The following LNP1 variants were observed in gnomAD, a reference collection of about 807,000 sequenced individuals.
LNP1 encodes the protein leukemia NUP98 fusion partner 1.
In LNP1, 12 loss-of-function variants were observed where a neutral mutation model predicts 14.5. That is an observed-to-expected ratio of 0.83 (90% CI 0.53 to 1.34). The LOEUF (loss-of-function observed/expected upper bound fraction) is 1.34. Among genes scored for constraint, LNP1 ranks in the 40% most tolerant of loss-of-function variants. The probability of loss-of-function intolerance (pLI) is 0.00; values close to 1 mark genes in which losing one functional copy is unlikely to be tolerated. For missense variants in LNP1, 198 were observed against 210.9 expected, an observed-to-expected ratio of 0.94 and a Z score of 0.38; for synonymous variants, 75 against 71.4, an observed-to-expected ratio of 1.05 and a Z score of -0.26.
intron 1 of LNP1, among the ~76,000 whole-genome samples, chr3:100,405,035 G>T (rs952226610): frequency 1.3e-5 from 2 of 151,934 alleles, no homozygotes; most frequent in Non-Finnish European, 2.9e-5. Context: ...CTCGTGATCC[G>T]CCCGCCTCGG....
chr3:100,447,726 G>A (rs958784762), intron 2 of LNP1, among the ~76,000 whole-genome samples: 3 of 151,988 alleles, frequency 2.0e-5, no homozygotes, highest in Non-Finnish European at 2.9e-5. Flanking sequence ...TTTACTCTAG[G>A]ACTAAATTTA....
chr3:100,454,777 C>G (rs183566794), intron 3 of LNP1, among the ~76,000 whole-genome samples: 7 of 152,254 alleles, frequency 4.6e-5, no homozygotes, highest in Non-Finnish European at 8.8e-5. Flanking sequence ...CATTGTAGAG[C>G]GGCTGACACC....
intron 2 of LNP1, among the ~76,000 whole-genome samples, chr3:100,438,583 A>T (rs144795476): frequency 1.2e-4 from 18 of 152,350 alleles, no homozygotes; most frequent in Middle Eastern, 3.4e-3. Flanking sequence ...TGGCATACAG[A>T]ATAGTTTCAC....
intron 1 of LNP1, among the ~76,000 whole-genome samples, chr3:100,427,201 T>A (rs1707201348): frequency 6.6e-6 from 1 of 151,934 alleles, no homozygotes; most frequent in Admixed American, 6.5e-5. Flanking sequence ...TTTCTCTTCC[T>A]TCCCACTTGG....
At chr3:100,453,941 C>T (rs1317288167) in intron 3 of LNP1, among the ~76,000 whole-genome samples, 1 of 152,108 alleles carries the variant, frequency 6.6e-6, no homozygotes, top group Non-Finnish European at 1.5e-5. Flanking sequence ...TGTGTTGCTA[C>T]CGAGGTTCAT....
intron 2 of LNP1, among the ~76,000 whole-genome samples, chr3:100,442,841 G>C (rs1186719520): frequency 2.0e-5 from 3 of 152,134 alleles, no homozygotes; most frequent in Admixed American, 2.0e-4. Flanking sequence ...GGTTTCATCT[G>C]ATCTCTCACA....
intron 3 of LNP1, 65 bp downstream of exon 3, chr3:100,452,014 C>A: frequency 9.6e-7 from 1 of 1,036,814 alleles, no homozygotes. Context: ...GTTTTGTCCT[C>A]TTTATGATTG....
chr3:100,409,588 A>ATATATAT (rs1707007984), intron 1 of LNP1, among the ~76,000 whole-genome samples: 1 of 111,366 alleles, frequency 9.0e-6, no homozygotes. Flanking sequence ...ACACACACAC[A>ATATATAT]CACATATATA....
chr3:100,407,456 G>C (rs528242495), intron 1 of LNP1, among the ~76,000 whole-genome samples: 1 of 152,202 alleles, frequency 6.6e-6, no homozygotes, highest in African/African-American at 2.4e-5. Flanking sequence ...GAAATCTGCT[G>C]CTAGGCATAT....
intron 1 of LNP1, among the ~76,000 whole-genome samples, chr3:100,419,545 A>G (rs1707124365): frequency 6.6e-6 from 1 of 152,066 alleles, no homozygotes; most frequent in Non-Finnish European, 1.5e-5. Context: ...TATCACATCC[A>G]TAGCTTTGTG....
chr3:100,432,684 C>T lies in LNP1; in HGVS notation c.156+2799C>T, dbSNP rs1707253785. ...GTCTCTCATTATTAAACTGACTTGCCTTCTCTCTCCAACATCATATGAATA... is the reference window on the plus strand; with the variant it reads ...GTCTCTCATTATTAAACTGACTTGCTTTCTCTCTCCAACATCATATGAATA... On this transcript the variant is annotated intron_variant, in intron 2 of 3. Transcript: ENST00000383693. Among the ~76,000 whole-genome samples the T allele has an allele frequency of 4.6e-5, 7 of 152,290 alleles. No individual in the cohort carries two copies. The South Asian group carries it at 1.5e-3, about 32-fold the overall frequency.
chr3:100,420,207 G>A lies in LNP1; in HGVS notation c.-33-9490G>A, dbSNP rs149382176. On this transcript the variant is annotated intron_variant, in intron 1 of 3. Coordinates refer to ENST00000383693, the MANE Select transcript of LNP1 (RefSeq NM_001085451.2). ...AGATGAGATTGGGTACATTCAGGGC[G>A]TTATGGCCATAGACACCATTTGTAT... 4.3e-3 allele frequency among the ~76,000 whole-genome samples: 658 copies of A among 152,276 alleles called. 3 individuals carry two copies. Among genetic ancestry groups the A allele is most frequent in the South Asian group, 0.014 (69 of 4,822 alleles).
At chr3:100,433,778 T>A (rs555232421) in intron 2 of LNP1, among the ~76,000 whole-genome samples, 2 of 152,248 alleles carry the variant, frequency 1.3e-5, no homozygotes, top group African/African-American at 4.8e-5. Flanking sequence ...TGAGATGGTA[T>A]CTCATTGTGG....
intron 2 of LNP1, among the ~76,000 whole-genome samples, chr3:100,448,090 G>C (rs1707405177): frequency 1.7e-5 from 2 of 116,232 alleles, no homozygotes; most frequent in African/African-American, 6.8e-5. Flanking sequence ...TATTTTAATT[G>C]TTTACCTAAT....
At chr3:100,441,418 T>A (rs1707342937) in intron 2 of LNP1, among the ~76,000 whole-genome samples, 2 of 152,224 alleles carry the variant, frequency 1.3e-5, no homozygotes, top group South Asian at 4.1e-4. Flanking sequence ...AAGTTTGGCT[T>A]GTCTAAACTG....
intron 2 of LNP1, among the ~76,000 whole-genome samples, chr3:100,430,704 A>C (rs1361730855): frequency 6.6e-6 from 1 of 152,212 alleles, no homozygotes; most frequent in East Asian, 1.9e-4. Context: ...CCCCGGAACC[A>C]AGTAAGTTTT....
chr3:100,446,912 C>T (rs2148907420), intron 2 of LNP1, among the ~76,000 whole-genome samples: 1 of 152,334 alleles, frequency 6.6e-6, no homozygotes, highest in South Asian at 2.1e-4. Flanking sequence ...TACCATCTCA[C>T]ACCAGTTAGA....
At chr3:100,438,874 G>T (rs528064640) in intron 2 of LNP1, among the ~76,000 whole-genome samples, 1 of 152,294 alleles carries the variant, frequency 6.6e-6, no homozygotes, top group Non-Finnish European at 1.5e-5. Flanking sequence ...GGATAGATAG[G>T]TGAGGCTATT....
intron 2 of LNP1, among the ~76,000 whole-genome samples, chr3:100,442,346 C>T (rs1241529643): frequency 6.6e-6 from 1 of 152,074 alleles, no homozygotes; most frequent in African/African-American, 2.4e-5. Flanking sequence ...GTTTATTTTG[C>T]CAAGGTTGAG....
Sources: allele counts gnomAD v4.1 joint callset (sites outside exome capture counted in the v4.1 genomes callset), GRCh38; gene constraint gnomAD v4.1.1; transcripts MANE v1.5; gene names NCBI Gene and HGNC (gene_info 2026-07-23, HGNC 2026-07-21).